The following CYBRD1 variants were observed in gnomAD, a reference collection of about 807,000 sequenced individuals.
CYBRD1 encodes plasma membrane ascorbate-dependent reductase CYBRD1.
CYBRD1 carries 14 observed loss-of-function variants against 21.9 expected under a neutral mutation model. The ratio of observed to expected loss-of-function variants is 0.64; its 90% confidence interval spans 0.42 to 1.00. The LOEUF is 1.00. CYBRD1 is among the 50% of genes least tolerant of loss of function. The probability of loss-of-function intolerance (pLI) is 0.00; values close to 1 mark genes in which losing one functional copy is unlikely to be tolerated. For missense variants in CYBRD1, 328 were observed against 352.5 expected (o/e 0.93, Z 0.56); for synonymous variants, 146 against 136.5 (o/e 1.07, Z -0.48).
chr2:171,541,748 G>A lies in CYBRD1; in HGVS notation c.357G>A (p.Leu119=). The A allele has an allele frequency of 6.2e-7, 1 of 1,613,260 alleles. No individual in the cohort carries two copies. The highest frequency in any genetic ancestry group is 2.2e-5 in the East Asian group (1 of 44,848). ...ACAATATAGCCAATATGTACAGTCT[G>A]CACAGCTGGGTTGGACTGATAGCTG... ...NVNNIANMYS[L]HSWVGLIAVI... is the part of the protein sequence containing the mutation. The change falls in exon 2 of 4, where the codon CTG becomes CTA. Residue 119 remains leucine, a synonymous_variant. Coordinates refer to ENST00000321348, the MANE Select transcript of CYBRD1 (RefSeq NM_024843.4).
intron 1 of CYBRD1, among the ~76,000 whole-genome samples, chr2:171,534,249 A>T (rs1432699865): frequency 1.3e-5 from 2 of 152,180 alleles, no homozygotes; most frequent in East Asian, 3.9e-4. Context: ...ACAGCCTCTA[A>T]CAGCAAAGCC....
Position 171,554,837 on chromosome 2 carries a change from G to A in CYBRD1, c.*10G>A. ...GAGATCTACCATGTAAAATGTTGTA[G>A]AGATAGAGCCATATAACGTCACGTT... On this transcript the variant is annotated 3_prime_UTR_variant, in exon 4 of 4. Coordinates refer to ENST00000321348, the MANE Select transcript of CYBRD1 (RefSeq NM_024843.4). 6.2e-7 allele frequency: 1 copy of A among 1,612,262 alleles called. No individual in the cohort carries two copies. The highest frequency in any genetic ancestry group is 8.5e-7 in the Non-Finnish European group (1 of 1,179,746).
rs569491495 is a variant in CYBRD1, at chr2:171,552,753, A to G, written c.403-593A>G. On this transcript the variant is annotated intron_variant, in intron 2 of 3. Transcript: ENST00000321348. Reference sequence around the variant, plus strand: ...TAGCGATTTCATTATCAAGGAAATGAAGACACCTTTTCTGCAGAATTCATT... The same window carrying G: ...TAGCGATTTCATTATCAAGGAAATGGAGACACCTTTTCTGCAGAATTCATT... Among the ~76,000 whole-genome samples the G allele has an allele frequency of 2.0e-5, 3 of 152,374 alleles. 1 individual carries two copies. Among genetic ancestry groups the G allele is most frequent in the South Asian group, 4.1e-4 (2 of 4,830 alleles).
intron 2 of CYBRD1, among the ~76,000 whole-genome samples, chr2:171,545,669 G>A (rs1225830511): frequency 1.3e-5 from 2 of 151,178 alleles, no homozygotes; most frequent in East Asian, 3.9e-4. Flanking sequence ...GATTACAGGT[G>A]TGAACCATCA....
rs1683464644 is a variant in CYBRD1, at chr2:171,555,276, G to A, written c.*449G>A. 1 of 234,722 alleles carries A rather than the reference G, an allele frequency of 4.3e-6. No individual in the cohort carries two copies. The highest frequency in any genetic ancestry group is 2.3e-5 in the African/African-American group (1 of 42,978). 14.5% of individuals were successfully genotyped at this position (234,722 alleles called of 1,614,324 possible). A position where few individuals can be genotyped will look rare whatever the true frequency, so the allele number is the denominator to read the frequency against. ...AATCCGATAAGGAATATCTGGGACA[G>A]GGTTTAGATCATGACTCTACACAGA... is the stretch of plus-strand genomic sequence containing the variant. On this transcript the variant is annotated 3_prime_UTR_variant, in exon 4 of 4. Transcript: ENST00000321348.
chr2:171,535,089 C>T (rs1697525887), intron 1 of CYBRD1, among the ~76,000 whole-genome samples: 2 of 151,604 alleles, frequency 1.3e-5, no homozygotes, highest in Admixed American at 1.4e-4. Context: ...TAAGCTAAAA[C>T]TTAGAGCTGG....
chr2:171,522,484 A>C lies in CYBRD1; in HGVS notation c.-62A>C. ...CGGTCCCGCCGCCCGGCCACTACCC[A>C]GAGGGCTGCCGCCGCCTCTCCAAGT... On this transcript the variant is annotated 5_prime_UTR_variant, in exon 1 of 4. Transcript: ENST00000321348. The surrounding 1 kb of genome is among the most constrained non-coding windows in gnomAD (Gnocchi z 4.3). The C allele has an allele frequency of 6.5e-7, 1 of 1,549,468 alleles. No homozygotes were observed. The highest frequency in any genetic ancestry group is 8.7e-7 in the Non-Finnish European group (1 of 1,148,372).
chr2:171,546,815 T>C (rs1288528476), intron 2 of CYBRD1, among the ~76,000 whole-genome samples: 1 of 152,052 alleles, frequency 6.6e-6, no homozygotes, highest in Non-Finnish European at 1.5e-5. Context: ...GAGAGTCTTC[T>C]AGGTGGATGG....
At chr2:171,530,043 C>G (rs1229927352) in intron 1 of CYBRD1, among the ~76,000 whole-genome samples, 1 of 152,074 alleles carries the variant, frequency 6.6e-6, no homozygotes, top group Non-Finnish European at 1.5e-5. Flanking sequence ...AGATTTGAGA[C>G]AAAGACACAC....
In CYBRD1 at chr2:171,522,578, G is replaced by T; in HGVS notation, c.33G>T (p.Ala11=). 6.2e-7 allele frequency: 1 copy of T among 1,610,366 alleles called. No individual in the cohort carries two copies. Among genetic ancestry groups the T allele is most frequent in the South Asian group, 1.1e-5 (1 of 90,066 alleles). ...TGGAGGGCTACTGGCGCTTCCTGGC[G>T]CTGCTGGGGTCGGCACTGCTCGTCG... MAMEGYWRFL[A]LLGSALLVGF... is the part of the protein sequence containing the mutation. Residue 11 remains alanine, a synonymous_variant, in exon 1 of 4, where the codon GCG becomes GCT. Coordinates refer to ENST00000321348, the MANE Select transcript of CYBRD1 (RefSeq NM_024843.4). This position sits in a 1 kb window ranked among gnomAD's most constrained non-coding sequence, Gnocchi z 4.3.
At chr2:171,535,301 G>A (rs1294076207) in intron 1 of CYBRD1, among the ~76,000 whole-genome samples, 2 of 152,256 alleles carry the variant, frequency 1.3e-5, no homozygotes, top group East Asian at 1.9e-4. Context: ...TAGAGTAACA[G>A]GATAATAATT....
intron 3 of CYBRD1, 66 bp downstream of exon 3, chr2:171,553,566 G>A: frequency 7.2e-7 from 1 of 1,388,822 alleles, no homozygotes; most frequent in Non-Finnish European, 9.5e-7. Flanking sequence ...TGTTCACTGG[G>A]AAAATGTAAT....
intron 1 of CYBRD1, among the ~76,000 whole-genome samples, chr2:171,529,711 C>T (rs1319415733): frequency 6.6e-6 from 1 of 152,046 alleles, no homozygotes; most frequent in East Asian, 1.9e-4. Context: ...ATCCTTTCCT[C>T]AGGTAACAGC....
chr2:171,541,861 CTTTTTTT>C (rs57998592), intron 2 of CYBRD1, 68 bp downstream of exon 2: 63 of 740,624 alleles, frequency 8.5e-5, no homozygotes, highest in South Asian at 3.3e-4. Context: ...GTTTTCTTTT[CTTTTTTT>C]TTTTTTTTTT....
rs1683422057 is a variant in CYBRD1, at chr2:171,553,398, G to A, written c.455G>A (p.Arg152Gln). The stretch of plus-strand genomic sequence containing the variant: ...CTTCCATGGGCTCCGCTTTCTCTCC[G>A]AGCATTTCTCATGCCCATACATGTT... ...FLLPWAPLSL[R>Q]AFLMPIHVYS... The change falls in exon 3 of 4, where the codon CGA becomes CAA. Residue 152 changes from arginine to glutamine, a missense_variant. Physicochemically the swap from Arg to Gln is conservative, Grantham distance 43. Coordinates refer to ENST00000321348, the MANE Select transcript of CYBRD1 (RefSeq NM_024843.4). 3.1e-6 allele frequency: 5 copies of A among 1,613,594 alleles called. No homozygotes were observed. The highest frequency in any genetic ancestry group is 3.4e-6 in the Non-Finnish European group (4 of 1,179,770).
At chr2:171,545,301 T>G (rs184402235) in intron 2 of CYBRD1, among the ~76,000 whole-genome samples, 157 of 152,270 alleles carry the variant, frequency 1.0e-3, no homozygotes, top group Non-Finnish European at 1.8e-3. Context: ...GCAAAGGTTT[T>G]GTTTTTCTTC....
rs1047361270 is a variant in CYBRD1 at position 171,554,736 on chromosome 2, T to C, written c.770T>C (p.Met257Thr). ...GSMPAYSGNN[M>T]DKSDSELNSE... The stretch of plus-strand genomic sequence containing the variant: ...ATGCCAGCCTACTCTGGCAACAACA[T>C]GGACAAATCAGATTCAGAGTTAAAC... Residue 257 changes from methionine to threonine, a missense_variant, in exon 4 of 4, where the codon ATG (methionine) becomes ACG (threonine). Physicochemically the swap from Met to Thr is moderately conservative, Grantham distance 81. Transcript: ENST00000321348. 6.2e-7 allele frequency: 1 copy of C among 1,613,986 alleles called. No homozygotes were observed.
chr2:171,554,929 T>C lies in CYBRD1; in HGVS notation c.*102T>C. The C allele has an allele frequency of 4.1e-6, 5 of 1,224,646 alleles. No individual in the cohort carries two copies. The South Asian group carries it at 6.5e-5, about 16-fold the overall frequency. 75.9% of individuals were successfully genotyped at this position (1,224,646 alleles called of 1,614,324 possible). On this transcript the variant is annotated 3_prime_UTR_variant, in exon 4 of 4. Transcript: ENST00000321348. ...TGATAATTGGGCTATGTAGTATCAA[T>C]ATTTACTTTAATCACAAAGGATGGT...
At chr2:171,541,307 A>G (rs574748029) in intron 1 of CYBRD1, among the ~76,000 whole-genome samples, 176 of 152,254 alleles carry the variant, frequency 1.2e-3, no homozygotes, top group African/African-American at 3.6e-3. Flanking sequence ...ATCACCCACA[A>G]GAGGGAGTGC....
Sources: allele counts gnomAD v4.1 joint callset (sites outside exome capture counted in the v4.1 genomes callset), GRCh38; gene constraint gnomAD v4.1.1; non-coding constraint Gnocchi (gnomAD v3.1); transcripts MANE v1.5; gene names NCBI Gene and HGNC (gene_info 2026-07-23, HGNC 2026-07-21).